Variants in DIP2C observed in about 807,000 individuals in gnomAD.
DIP2C encodes DIP2 acetate--CoA ligase C (putative), also known as disco-interacting protein 2 homolog C.
In DIP2C, 33 loss-of-function variants were observed where a neutral mutation model predicts 192.4. The ratio of observed to expected loss-of-function variants is 0.17; its 90% CI spans 0.13 to 0.23. The LOEUF (loss-of-function observed/expected upper bound fraction) is 0.23. Ranked by LOEUF, DIP2C falls within the 10% of genes least tolerant of loss-of-function variation. The pLI is 1.00. For synonymous variants in DIP2C, 979 were observed against 864.1 expected (o/e 1.13, Z -2.33); for missense variants, 1,537 against 2,110.1 (o/e 0.73, Z 5.32).
At position 689,548 on chromosome 10, in the gene DIP2C, G is replaced by A; in HGVS notation, c.31C>T (p.Leu11=). 7.8e-7 allele frequency: 1 copy of A among 1,288,202 alleles called. No individual in the cohort carries two copies. The highest frequency in any genetic ancestry group is 1.0e-6 in the Non-Finnish European group (1 of 1,000,382). 79.8% of individuals were successfully genotyped at this position (1,288,202 alleles called of 1,614,324 possible). A position where few individuals can be genotyped will look rare whatever the true frequency, so the allele number is the denominator to read the frequency against. MADRSLEGMA[L]PLEVRARLAE... ...AGGCGCGCCCGCACCTCCAGGGGCA[G>A]CGCCATGCCCTCCAGGCTGCGGTCC... Residue 11 remains leucine (L), a synonymous_variant, in exon 1 of 37, where the codon CTG becomes TTG. Transcript: ENST00000280886. This position sits in a 1 kb window ranked among gnomAD's most constrained non-coding sequence, Gnocchi z 6.1.
chr10:563,188 T>G (rs1220777553), intron 1 of DIP2C, among the ~76,000 whole-genome samples: 2 of 152,248 alleles, frequency 1.3e-5, no homozygotes, highest in African/African-American at 2.4e-5. Context: ...TAATGCAGAC[T>G]GTTCCACAGT....
chr10:508,998 A>G (rs816584), intron 1 of DIP2C, among the ~76,000 whole-genome samples: 3,499 of 152,280 alleles, frequency 0.023, 134 homozygotes, highest in African/African-American at 0.08. Context: ...TGAGCCTTTT[A>G]ACTTCAGCCT....
In DIP2C at chr10:522,292, G is replaced by C. The variant is rs148799609; in HGVS notation, c.86-35762C>G. On this transcript the variant is annotated intron_variant, in intron 1 of 36. Transcript: ENST00000280886. ...CTTTTTAGTGTTGAATAATATCCCA[G>C]TTTCTGATGTACCACAGTTTATCCA... Among the ~76,000 whole-genome samples the C allele has an allele frequency of 7.9e-5, 12 of 152,328 alleles. No individual in the cohort carries two copies. The East Asian group carries it at 2.1e-3, about 27-fold the overall frequency.
chr10:449,932 A>G (rs1261584376), intron 3 of DIP2C, among the ~76,000 whole-genome samples: 1 of 146,908 alleles, frequency 6.8e-6, no homozygotes, highest in Admixed American at 6.6e-5. Context: ...AAAAAAAAAA[A>G]AAAAGAAAAT....
At chr10:406,104 GATT>G (rs1291097946) in intron 9 of DIP2C, among the ~76,000 whole-genome samples, 5 of 152,242 alleles carry the variant, frequency 3.3e-5, no homozygotes, top group Admixed American at 1.3e-4. Context: ...TTTATTTTGT[GATT>G]ATTATCATAT....
intron 1 of DIP2C, among the ~76,000 whole-genome samples, chr10:565,757 A>T (rs1256249278): frequency 6.6e-6 from 1 of 152,250 alleles, no homozygotes; most frequent in Admixed American, 6.5e-5. Context: ...ACAGTCGCGT[A>T]ACGGAGTCGA....
intron 17 of DIP2C, among the ~76,000 whole-genome samples, chr10:376,606 C>T (rs1961629124): frequency 6.6e-6 from 1 of 151,018 alleles, no homozygotes; most frequent in Admixed American, 6.6e-5. Flanking sequence ...CTTGAATCAC[C>T]ATTCACCACC....
chr10:379,620 T>G (rs1424881709), intron 17 of DIP2C, among the ~76,000 whole-genome samples: 1 of 152,232 alleles, frequency 6.6e-6, no homozygotes, highest in Non-Finnish European at 1.5e-5. Flanking sequence ...TTTTGTTTTC[T>G]TTTTTGCAGA....
At chr10:595,560 A>T (rs1851652159) in intron 1 of DIP2C, among the ~76,000 whole-genome samples, 1 of 152,114 alleles carries the variant, frequency 6.6e-6, no homozygotes, top group South Asian at 2.1e-4. Context: ...GAATGAAATG[A>T]TTTTGCATCT....
Position 386,987 on chromosome 10 carries a change from C to T in DIP2C, c.1662+758G>A, listed in dbSNP as rs368907175. Among the ~76,000 whole-genome samples the T allele has an allele frequency of 9.2e-5, 14 of 152,124 alleles. No homozygotes were observed. The East Asian group carries it at 1.7e-3, about 19-fold the overall frequency. ...AGGGCACTCGTGACTGTGAGACAGT[C>T]GTTTCCCTACAACACACACAGACTG... is the stretch of plus-strand genomic sequence containing the variant. On this transcript the variant is annotated intron_variant, in intron 14 of 36. Transcript: ENST00000280886.
At chr10:361,515 A>G (rs1378596993) in intron 22 of DIP2C, among the ~76,000 whole-genome samples, 1 of 152,130 alleles carries the variant, frequency 6.6e-6, no homozygotes, top group African/African-American at 2.4e-5. Context: ...CTCCTTCCAT[A>G]AACACTTGTC....
At chr10:685,990 G>T (rs1354817778) in intron 1 of DIP2C, among the ~76,000 whole-genome samples, 1 of 152,126 alleles carries the variant, frequency 6.6e-6, no homozygotes, top group Non-Finnish European at 1.5e-5. Flanking sequence ...ACATGAGTTT[G>T]TCTTTATGGG....
At chr10:539,875 A>C (rs1348254862) in intron 1 of DIP2C, among the ~76,000 whole-genome samples, 1 of 152,258 alleles carries the variant, frequency 6.6e-6, no homozygotes, top group Non-Finnish European at 1.5e-5. Flanking sequence ...CAATATGCAA[A>C]AACATGGGAT....
intron 1 of DIP2C, among the ~76,000 whole-genome samples, chr10:580,145 A>G (rs1184739935): frequency 6.6e-6 from 1 of 152,164 alleles, no homozygotes; most frequent in Admixed American, 6.5e-5. Context: ...TAGTGTACAC[A>G]TATCCGATGT....
intron 1 of DIP2C, among the ~76,000 whole-genome samples, chr10:584,274 C>A (rs1368909163): frequency 1.3e-5 from 2 of 152,228 alleles, no homozygotes; most frequent in Non-Finnish European, 2.9e-5. Flanking sequence ...TAAACAACCA[C>A]CAGCCATCAT....
At chr10:316,457 C>T (rs988034831) in intron 31 of DIP2C, among the ~76,000 whole-genome samples, 7 of 152,198 alleles carry the variant, frequency 4.6e-5, no homozygotes, top group African/African-American at 9.7e-5. Flanking sequence ...AGTCTCACCC[C>T]CAGCTTCCTC....
intron 25 of DIP2C, 67 bp from the exon 26 acceptor site, chr10:348,829 G>GC: frequency 6.3e-7 from 1 of 1,579,430 alleles, no homozygotes; most frequent in South Asian, 1.2e-5. Flanking sequence ...CTCCCTGTCA[G>GC]CATCAATGCT....
chr10:622,256 TA>T (rs1174516137), intron 1 of DIP2C, among the ~76,000 whole-genome samples: 3 of 106,132 alleles, frequency 2.8e-5, no homozygotes, highest in Non-Finnish European at 5.9e-5. Context: ...GGAGAGATGG[TA>T]GGGGGAGGGA....
intron 1 of DIP2C, among the ~76,000 whole-genome samples, chr10:670,615 A>G (rs540718225): frequency 1.3e-5 from 2 of 152,250 alleles, no homozygotes; most frequent in African/African-American, 2.4e-5. Context: ...TTTCATTTAC[A>G]TAAGGAACAG....
Sources: gnomAD v4.1 joint callset for allele counts (sites outside exome capture counted in the v4.1 genomes callset) on GRCh38, gnomAD v4.1.1 for gene constraint, Gnocchi (gnomAD v3.1) non-coding constraint, MANE v1.5 for transcripts, NCBI Gene and HGNC (gene_info 2026-07-23, HGNC 2026-07-21) for gene names.